Variants in CTNND2 observed in about 807,000 individuals in gnomAD.
CTNND2 encodes catenin delta-2.
Under a neutral mutation model 144.4 loss-of-function variants are expected in CTNND2, and 22 were observed. The ratio of observed to expected loss-of-function variants is 0.15; its 90% CI spans 0.11 to 0.22. The LOEUF (loss-of-function observed/expected upper bound fraction) is 0.22, where lower values mean the gene tolerates loss of function less well. CTNND2 is among the 10% of genes least tolerant of loss of function. CTNND2 has a pLI of 1.00. For synonymous variants in CTNND2, 751 were observed against 695.6 expected (o/e 1.08, Z -1.25); for missense variants, 1,353 against 1,618.8 (o/e 0.84, Z 2.82).
At chr5:11,111,652 T>C (rs1752997131) in intron 13 of CTNND2, among the ~76,000 whole-genome samples, 1 of 152,194 alleles carries the variant, frequency 6.6e-6, no homozygotes. Context: ...ACACATGTTG[T>C]GGAGCCAGAC....
chr5:11,884,426 A>G (rs1397856966), intron 1 of CTNND2, among the ~76,000 whole-genome samples: 3 of 152,138 alleles, frequency 2.0e-5, no homozygotes, highest in Non-Finnish European at 4.4e-5. Context: ...CCATTTATTA[A>G]ATAGGGAATC....
intron 11 of CTNND2, among the ~76,000 whole-genome samples, chr5:11,176,894 C>T (rs1560974028): frequency 6.6e-6 from 1 of 152,290 alleles, no homozygotes; most frequent in East Asian, 1.9e-4. Context: ...ACTCAACAAC[C>T]ATCTGTTTGT....
chr5:11,459,497 T>C (rs537593485), intron 3 of CTNND2, among the ~76,000 whole-genome samples: 1 of 152,328 alleles, frequency 6.6e-6, no homozygotes, highest in African/African-American at 2.4e-5. Flanking sequence ...GTTCTGCCCC[T>C]TTTTAAAGCC....
intron 5 of CTNND2, among the ~76,000 whole-genome samples, chr5:11,407,242 C>G (rs993545781): frequency 6.6e-6 from 1 of 152,068 alleles, no homozygotes; most frequent in African/African-American, 2.4e-5. Flanking sequence ...TCCACTGAAG[C>G]GACAGCAGTC....
intron 1 of CTNND2, among the ~76,000 whole-genome samples, chr5:11,875,348 C>A (rs1735482351): frequency 6.6e-6 from 1 of 152,172 alleles, no homozygotes; most frequent in Non-Finnish European, 1.5e-5. Flanking sequence ...ATGGTTGCTT[C>A]TCTGAAAATA....
rs116853345 is a variant in CTNND2 at position 11,818,304 on chromosome 5, G to A, written c.37+85513C>T. Among the ~76,000 whole-genome samples the A allele has an allele frequency of 6.7e-3, 1,012 of 151,964 alleles. 14 individuals carry two copies. The highest frequency in any genetic ancestry group is 0.061 in the East Asian group (317 of 5,158). The stretch of plus-strand genomic sequence containing the variant: ...ATAGCGGTGATACCCGTGTTGCAGC[G>A]TTTACATCACACGGCTCATGACTGG... On this transcript the variant is annotated intron_variant, in intron 1 of 21. Transcript: ENST00000304623.
chr5:11,443,756 A>T (rs958070039), intron 3 of CTNND2, among the ~76,000 whole-genome samples: 1 of 152,178 alleles, frequency 6.6e-6, no homozygotes, highest in East Asian at 1.9e-4. Flanking sequence ...ATCAGGTCCA[A>T]ATTCAATCTC....
intron 7 of CTNND2, among the ~76,000 whole-genome samples, chr5:11,379,769 C>A (rs1023813954): frequency 6.6e-6 from 1 of 152,080 alleles, no homozygotes; most frequent in Non-Finnish European, 1.5e-5. Context: ...TTTGTAATTC[C>A]AGCCTCCACA....
chr5:11,858,192 T>C (rs2127018845), intron 1 of CTNND2, among the ~76,000 whole-genome samples: 1 of 152,374 alleles, frequency 6.6e-6, no homozygotes, highest in Middle Eastern at 3.4e-3. Flanking sequence ...TATCAATCCC[T>C]AGACACCTTC....
intron 9 of CTNND2, among the ~76,000 whole-genome samples, chr5:11,319,656 G>A (rs1237978804): frequency 6.6e-6 from 1 of 152,118 alleles, no homozygotes; most frequent in African/African-American, 2.4e-5. Flanking sequence ...AAGCAGCTGG[G>A]ATTACAGGCT....
intron 2 of CTNND2, among the ~76,000 whole-genome samples, chr5:11,579,611 T>C (rs1474123214): frequency 1.3e-5 from 2 of 152,196 alleles, no homozygotes; most frequent in East Asian, 1.9e-4. Context: ...TCTAGCAAAT[T>C]AGCAGCCCAT....
intron 2 of CTNND2, among the ~76,000 whole-genome samples, chr5:11,581,125 G>A (rs1778395158): frequency 6.6e-6 from 1 of 152,018 alleles, no homozygotes; most frequent in Non-Finnish European, 1.5e-5. Flanking sequence ...CTGCTTTATA[G>A]GAAACCTGAA....
intron 1 of CTNND2, among the ~76,000 whole-genome samples, chr5:11,743,828 G>C (rs1788156687): frequency 6.6e-6 from 1 of 152,170 alleles, no homozygotes; most frequent in Non-Finnish European, 1.5e-5. Context: ...ACAGGCAGGA[G>C]CAGTGGGAGG....
At chr5:11,730,135 T>A (rs975890997) in intron 2 of CTNND2, among the ~76,000 whole-genome samples, 1 of 152,218 alleles carries the variant, frequency 6.6e-6, no homozygotes, top group Non-Finnish European at 1.5e-5. Context: ...TTTTGAGTTG[T>A]GTCTTGCTAT....
chr5:11,111,579 A>G (rs1752987358), intron 13 of CTNND2, among the ~76,000 whole-genome samples: 1 of 152,148 alleles, frequency 6.6e-6, no homozygotes, highest in African/African-American at 2.4e-5. Flanking sequence ...TTTTTAGTCT[A>G]CATTTTTTTG....
At chr5:11,781,222 G>A (rs1434849252) in intron 1 of CTNND2, among the ~76,000 whole-genome samples, 2 of 47,090 alleles carry the variant, frequency 4.2e-5, no homozygotes, top group African/African-American at 7.6e-5. Flanking sequence ...GACAGAGGAG[G>A]GATCTAAGGA....
intron 16 of CTNND2, among the ~76,000 whole-genome samples, chr5:11,070,803 G>A (rs1748176232): frequency 6.6e-6 from 1 of 152,150 alleles, no homozygotes; most frequent in African/African-American, 2.4e-5. Flanking sequence ...CATCAGACTT[G>A]CACTATAAAA....
intron 9 of CTNND2, among the ~76,000 whole-genome samples, chr5:11,290,919 TTTAA>T (rs1180664425): frequency 6.6e-6 from 1 of 152,072 alleles, no homozygotes; most frequent in Non-Finnish European, 1.5e-5. Context: ...CTTTGTGAAG[TTTAA>T]TTAAACCGTT....
intron 2 of CTNND2, among the ~76,000 whole-genome samples, chr5:11,659,894 G>T (rs997330823): frequency 6.6e-6 from 1 of 152,138 alleles, no homozygotes; most frequent in Non-Finnish European, 1.5e-5. Context: ...GCAAACACAT[G>T]TTAAGAAGGG....
Sources: gnomAD v4.1 joint callset for allele counts (sites outside exome capture counted in the v4.1 genomes callset) on GRCh38, gnomAD v4.1.1 for gene constraint, MANE v1.5 for transcripts, NCBI Gene and HGNC (gene_info 2026-07-23, HGNC 2026-07-21) for gene names.